The following PLEKHG1 variants were observed in gnomAD, a reference collection of about 807,000 sequenced individuals.
PLEKHG1 encodes the protein pleckstrin homology domain-containing family G member 1.
In PLEKHG1, 44 loss-of-function variants were observed where a neutral mutation model predicts 100.8. That is an observed-to-expected ratio of 0.44 (90% CI 0.34 to 0.56). PLEKHG1 has a LOEUF of 0.56. Among genes scored for constraint, PLEKHG1 ranks in the 20% least tolerant of loss-of-function variants. The pLI is 0.01. For synonymous variants in PLEKHG1, 640 were observed against 662.5 expected (o/e 0.97, Z 0.52); for missense variants, 1,545 against 1,720.9 (o/e 0.90, Z 1.81).
intron 2 of PLEKHG1, among the ~76,000 whole-genome samples, chr6:150,746,551 G>A (rs1380450159): frequency 6.6e-6 from 1 of 152,160 alleles, no homozygotes; most frequent in African/African-American, 2.4e-5. Flanking sequence ...AAAACAAAAT[G>A]GCTTGAAAGA....
upstream of PLEKHG1, among the ~76,000 whole-genome samples, chr6:150,720,557 G>A (rs548116396): frequency 2.6e-5 from 4 of 152,128 alleles, no homozygotes; most frequent in African/African-American, 2.4e-5. Flanking sequence ...TCTATCAAGT[G>A]TCTTGTTAAC....
chr6:150,716,051 T>C (rs1364224868), intron 3 of PLEKHG1, among the ~76,000 whole-genome samples: 1 of 145,570 alleles, frequency 6.9e-6, no homozygotes, highest in Non-Finnish European at 1.5e-5. Context: ...GAGCTTGCAG[T>C]GAGCCGAGAT....
intron 2 of PLEKHG1, among the ~76,000 whole-genome samples, chr6:150,753,808 A>G (rs1324161038): frequency 1.3e-5 from 2 of 152,224 alleles, no homozygotes; most frequent in Admixed American, 6.5e-5. Flanking sequence ...CCCCTGCGAC[A>G]AAGGCTGGGA....
At chr6:150,743,050 G>C (rs1310942491) in intron 2 of PLEKHG1, among the ~76,000 whole-genome samples, 1 of 152,156 alleles carries the variant, frequency 6.6e-6, no homozygotes, top group African/African-American at 2.4e-5. Flanking sequence ...TTGTTACCTG[G>C]CTACATCCTA....
At chr6:150,722,351 T>TTTTTTTTTTTTTTTTTTTTTTA (rs1781735520) in intron 1 of PLEKHG1, among the ~76,000 whole-genome samples, 1 of 17,040 alleles carries the variant, frequency 5.9e-5, no homozygotes, top group Non-Finnish European at 2.5e-4. Flanking sequence ...TTTCTTTTCT[T>TTTTTTTTTTTTTTTTTTTTTTA]TTTTTTTTTT....
rs996341233 is a variant in PLEKHG1 at position 150,599,997 on chromosome 6, T to C, written c.-224T>C. 4.2e-6 allele frequency: 1 copy of C among 238,740 alleles called. No individual in the cohort carries two copies. The highest frequency in any genetic ancestry group is 3.7e-5 in the South Asian group (1 of 27,216). The allele number at this position is 238,740 out of a possible 1,614,324, so 14.8% of individuals were successfully genotyped here. On this transcript the variant is annotated 5_prime_UTR_variant, in exon 1 of 4. It removes an upstream start codon present in the reference 5' UTR. Coordinates refer to the PLEKHG1 transcript ENST00000367326. The stretch of plus-strand genomic sequence containing the variant: ...CCGACCTGCGAGCGCCGCCCGGGCA[T>C]GCGAAGCCGTCCCTCCCCGGGTAAG...
At chr6:150,716,069 C>T (rs1275117844) in intron 3 of PLEKHG1, among the ~76,000 whole-genome samples, 1 of 147,376 alleles carries the variant, frequency 6.8e-6, no homozygotes, top group Non-Finnish European at 1.5e-5. Context: ...GATCGCGCCA[C>T]TGCACTCCAG....
chr6:150,824,414 C>T (rs1776473440), intron 14 of PLEKHG1, among the ~76,000 whole-genome samples: 1 of 152,118 alleles, frequency 6.6e-6, no homozygotes, highest in Non-Finnish European at 1.5e-5. Context: ...AAACCTCTCC[C>T]TATAATCTCA....
intron 3 of PLEKHG1, among the ~76,000 whole-genome samples, chr6:150,699,424 C>T (rs1393293048): frequency 1.3e-5 from 2 of 152,206 alleles, no homozygotes; most frequent in Non-Finnish European, 2.9e-5. Flanking sequence ...CGTTGATGCT[C>T]CGGGAGTGCT....
At chr6:150,685,456 C>T (rs1780088930) in intron 3 of PLEKHG1, among the ~76,000 whole-genome samples, 1 of 152,184 alleles carries the variant, frequency 6.6e-6, no homozygotes, top group African/African-American at 2.4e-5. Flanking sequence ...GAAGGAGAGG[C>T]ACCCAACAAG....
intron 3 of PLEKHG1, among the ~76,000 whole-genome samples, chr6:150,670,164 A>G (rs1256226347): frequency 1.3e-5 from 2 of 152,158 alleles, no homozygotes; most frequent in East Asian, 3.8e-4. Context: ...GTATTTTCAC[A>G]TATGTTTATG....
chr6:150,692,527 C>T (rs987223196), intron 3 of PLEKHG1, among the ~76,000 whole-genome samples: 6 of 152,146 alleles, frequency 3.9e-5, no homozygotes, highest in African/African-American at 1.2e-4. Flanking sequence ...TTTCCTAAGG[C>T]TTGTCCTTGA....
At chr6:150,717,231 A>C (rs1278574838), upstream of PLEKHG1, among the ~76,000 whole-genome samples, 1 of 147,022 alleles carries the variant, frequency 6.8e-6, no homozygotes, top group East Asian at 2.0e-4. Context: ...GTAGATTCTG[A>C]GTTTTACCAT....
rs1776950303 is a variant in PLEKHG1, at chr6:150,831,791, C to T, written c.2680C>T (p.Pro894Ser). ...GCGCTCTGTGTCCACGCTGTCCCTG[C>T]CTGAGAGCCAGGCTCTCCTCACGCC... Residue 894 changes from proline (P) to serine (S), a missense_variant, in exon 15 of 16, where the codon CCT becomes TCT. By Grantham distance (74) the Pro-to-Ser change is moderately conservative. Coordinates refer to ENST00000358517, the Ensembl canonical transcript of PLEKHG1. The surrounding 1 kb of genome is among the most constrained non-coding windows in gnomAD (Gnocchi z 4.1). 1 of 1,612,968 alleles carries T rather than the reference C, an allele frequency of 6.2e-7. No individual in the cohort carries two copies. Among genetic ancestry groups the T allele is most frequent in the Non-Finnish European group, 8.5e-7 (1 of 1,179,418 alleles).
At chr6:150,611,391 T>C (rs556939322) in intron 1 of PLEKHG1, among the ~76,000 whole-genome samples, 1 of 152,248 alleles carries the variant, frequency 6.6e-6, no homozygotes, top group Non-Finnish European at 1.5e-5. Flanking sequence ...CATTGTAGAA[T>C]GTTAAGTGGT....
chr6:150,769,831 C>T (rs551440459), intron 3 of PLEKHG1, among the ~76,000 whole-genome samples: 3 of 152,224 alleles, frequency 2.0e-5, no homozygotes, highest in Admixed American at 1.3e-4. Flanking sequence ...CTCCACTTTT[C>T]CTTTTTCTCA....
chr6:150,675,807 G>A (rs866517942), intron 3 of PLEKHG1, among the ~76,000 whole-genome samples: 1 of 152,184 alleles, frequency 6.6e-6, no homozygotes, highest in African/African-American at 2.4e-5. Flanking sequence ...ACTTTTCTTA[G>A]TGGGGGGAAA....
At chr6:150,641,445 T>C (rs1251106962) in intron 2 of PLEKHG1, among the ~76,000 whole-genome samples, 1 of 152,242 alleles carries the variant, frequency 6.6e-6, no homozygotes, top group African/African-American at 2.4e-5. Context: ...ATGTTAGATA[T>C]GCTAATGAAG....
At chr6:150,663,437 T>C (rs765486341) in intron 3 of PLEKHG1, 1 of 152,184 alleles carries the variant, frequency 6.6e-6, no homozygotes, top group Non-Finnish European at 1.5e-5. Context: ...ATCTTAGATT[T>C]ATAGTGCAAT....
Sources: allele counts gnomAD v4.1 joint callset (sites outside exome capture counted in the v4.1 genomes callset), GRCh38; gene constraint gnomAD v4.1.1; non-coding constraint Gnocchi (gnomAD v3.1); transcripts MANE v1.5; gene names NCBI Gene and HGNC (gene_info 2026-07-23, HGNC 2026-07-21).